The following EFCAB5 variants were observed in gnomAD, a reference collection of about 807,000 sequenced individuals.
The protein encoded by EFCAB5 is EF-hand calcium binding domain 5.
EFCAB5 carries 131 observed loss-of-function variants against 167.9 expected under a neutral mutation model. The ratio of observed to expected loss-of-function variants is 0.78; its 90% CI spans 0.68 to 0.90. EFCAB5 has a LOEUF of 0.90. EFCAB5 is among the 40% of genes least tolerant of loss of function. The pLI is 0.00. For missense variants in EFCAB5, 1,663 were observed against 1,745.2 expected, an observed-to-expected ratio of 0.95 and a Z score of 0.84; for synonymous variants, 574 against 602.8, an observed-to-expected ratio of 0.95 and a Z score of 0.70.
intron 14 of EFCAB5, among the ~76,000 whole-genome samples, chr17:30,075,066 C>T (rs924147345): frequency 1.3e-5 from 2 of 152,158 alleles, no homozygotes; most frequent in African/African-American, 4.8e-5. Context: ...TAATCCAACA[C>T]AACAGGGTTC....
At chr17:29,940,118 G>A (rs971749016), upstream of EFCAB5, among the ~76,000 whole-genome samples, 5 of 148,858 alleles carry the variant, frequency 3.4e-5, no homozygotes, top group African/African-American at 9.9e-5. Flanking sequence ...GCTCATTGCC[G>A]AGGCTGGAGT....
intron 4 of EFCAB5, among the ~76,000 whole-genome samples, chr17:29,971,719 G>T (rs1448932364): frequency 2.0e-5 from 3 of 152,054 alleles, no homozygotes; most frequent in Admixed American, 2.0e-4. Flanking sequence ...AATAAATCCT[G>T]CTTGGTTGCT....
Position 29,943,570 on chromosome 17 carries a change from A to G in EFCAB5, c.111A>G (p.Leu37=). The G allele has an allele frequency of 6.3e-7, 1 of 1,577,438 alleles. No individual in the cohort carries two copies. Among genetic ancestry groups the G allele is most frequent in the Non-Finnish European group, 8.6e-7 (1 of 1,160,858 alleles). ...LTEVKELHET[L]QSVPDVPVKE... is the part of the protein sequence containing the mutation. ...TTTTTTTCCTCTTTTCAAAGACCTT[A>G]CAGAGTGTGCCAGACGTTCCTGTAA... Residue 37 remains leucine, a synonymous_variant, in exon 3 of 23, where the codon TTA becomes TTG. Transcript: ENST00000394835.
At chr17:29,973,310 G>A (rs1419759833) in intron 4 of EFCAB5, among the ~76,000 whole-genome samples, 2 of 152,156 alleles carry the variant, frequency 1.3e-5, no homozygotes, top group Non-Finnish European at 2.9e-5. Context: ...AACCTTTGGG[G>A]TGTCTTCAAA....
intron 16 of EFCAB5, 37 bp from the exon 17 acceptor site, chr17:30,080,716 T>C (rs1183610300): frequency 2.1e-6 from 3 of 1,439,468 alleles, no homozygotes; most frequent in Non-Finnish European, 2.9e-6. Flanking sequence ...AATCTCTCCC[T>C]GTGCCTTTCT....
intron 18 of EFCAB5, among the ~76,000 whole-genome samples, chr17:30,085,265 A>G (rs1567768719): frequency 6.6e-6 from 1 of 152,200 alleles, no homozygotes; most frequent in Non-Finnish European, 1.5e-5. Flanking sequence ...ATAGATGAGT[A>G]AAAACAGATT....
Position 29,951,518 on chromosome 17 carries a change from T to A in EFCAB5, c.190+7869T>A, listed in dbSNP as rs865874723. Among the ~76,000 whole-genome samples the A allele has an allele frequency of 3.1e-4, 46 of 148,846 alleles. 1 individual carries two copies. Among genetic ancestry groups the A allele is most frequent in the Admixed American group, 1.5e-3 (23 of 14,996 alleles). On this transcript the variant is annotated intron_variant, in intron 3 of 22. Coordinates refer to ENST00000394835, the MANE Select transcript of EFCAB5 (RefSeq NM_198529.4). ...ACACCTGGCTAATTTTTTGTATTTTTTTTTTTATTTTTTTTTTTAGTAGAG... is the reference window on the plus strand; with the variant it reads ...ACACCTGGCTAATTTTTTGTATTTTATTTTTTATTTTTTTTTTTAGTAGAG...
At chr17:30,001,669 A>G (rs1157797242) in intron 7 of EFCAB5, among the ~76,000 whole-genome samples, 1 of 152,222 alleles carries the variant, frequency 6.6e-6, no homozygotes. Context: ...AAAAGATAAT[A>G]TAAGTTCATT....
chr17:30,091,596 G>C (rs1029679275), intron 20 of EFCAB5, among the ~76,000 whole-genome samples: 1 of 152,136 alleles, frequency 6.6e-6, no homozygotes, highest in African/African-American at 2.4e-5. Flanking sequence ...ACTAATAAGG[G>C]TGACAGCGTG....
intron 4 of EFCAB5, among the ~76,000 whole-genome samples, chr17:29,987,659 G>A (rs532751151): frequency 6.6e-6 from 1 of 152,270 alleles, no homozygotes; most frequent in East Asian, 1.9e-4. Flanking sequence ...GTGTTTCAGG[G>A]AGAGATTCAT....
At chr17:30,102,624 A>G (rs950542447) in intron 22 of EFCAB5, among the ~76,000 whole-genome samples, 1 of 152,118 alleles carries the variant, frequency 6.6e-6, no homozygotes, top group Non-Finnish European at 1.5e-5. Flanking sequence ...AATTGAATGC[A>G]TGTTAATCAT....
In EFCAB5 at chr17:30,107,815, T is replaced by A; in HGVS notation, c.4322-19T>A. 1 of 1,441,260 alleles carries A rather than the reference T, an allele frequency of 6.9e-7. No individual in the cohort carries two copies. The highest frequency in any genetic ancestry group is 2.7e-5 in the East Asian group (1 of 36,856). The allele number at this position is 1,441,260 out of a possible 1,614,324, so 89.3% of individuals were successfully genotyped here. ...GCAAAACTCTCCACTCTTACTTTTC[T>A]TTTTTTTTCCTGATGCAGATCATTC... On this transcript the variant is annotated intron_variant, in intron 22 of 22. Coordinates refer to ENST00000394835, the MANE Select transcript of EFCAB5 (RefSeq NM_198529.4).
Position 30,018,465 on chromosome 17 carries a change from T to C in EFCAB5, c.1045-15765T>C, listed in dbSNP as rs1357574456. 3.3e-5 allele frequency among the ~76,000 whole-genome samples: 5 copies of C among 152,138 alleles called. No individual in the cohort carries two copies. In the South Asian group the frequency reaches 1.0e-3, roughly 31 times the overall value. ...GTGTGATCTTTTGATTTTTATTGTT[T>C]TTTTTTCATTTCAGGAACATTTTCT... is the stretch of plus-strand genomic sequence containing the variant. On this transcript the variant is annotated intron_variant, in intron 7 of 22. Transcript: ENST00000394835.
Position 29,996,377 on chromosome 17 carries a change from C to A in EFCAB5, c.973+17C>A. 6.5e-7 allele frequency: 1 copy of A among 1,534,070 alleles called. No individual in the cohort carries two copies. Among genetic ancestry groups the A allele is most frequent in the South Asian group, 1.2e-5 (1 of 81,282 alleles). Reference sequence around the variant, plus strand: ...TCAAGCTTGGTAAGTCTGCCTATTACTCTGATATTTTTATTTTTATTTCTT... The same window carrying A: ...TCAAGCTTGGTAAGTCTGCCTATTAATCTGATATTTTTATTTTTATTTCTT... On this transcript the variant is annotated intron_variant, in intron 6 of 22. Coordinates refer to ENST00000394835, the MANE Select transcript of EFCAB5 (RefSeq NM_198529.4).
At chr17:30,076,594 G>A (rs1004723964) in intron 14 of EFCAB5, among the ~76,000 whole-genome samples, 2 of 152,226 alleles carry the variant, frequency 1.3e-5, no homozygotes, top group Admixed American at 1.3e-4. Flanking sequence ...TAGAATAGAT[G>A]CTATCGTCTT....
At chr17:29,977,263 A>G (rs1430819178) in intron 4 of EFCAB5, among the ~76,000 whole-genome samples, 2 of 152,170 alleles carry the variant, frequency 1.3e-5, no homozygotes, top group Admixed American at 6.5e-5. Flanking sequence ...CCTAATTATG[A>G]TGGTGGTTAC....
In EFCAB5 at chr17:30,053,275, G is replaced by T; in HGVS notation, c.1321G>T (p.Glu441Ter). The T allele has an allele frequency of 6.2e-7, 1 of 1,604,262 alleles. No individual in the cohort carries two copies. Among genetic ancestry groups the T allele is most frequent in the Non-Finnish European group, 8.5e-7 (1 of 1,174,762 alleles). Reference sequence around the variant, plus strand: ...ATTAGGGCCATTCATTGAATTTGAAGAGATAAACTTGACTGAGTTGTGGGG... The same window carrying T: ...ATTAGGGCCATTCATTGAATTTGAATAGATAAACTTGACTGAGTTGTGGGG... ...PRQWPFIEFE[E>*]INLTELWGDM... is the part of the protein sequence containing the mutation. The change falls in exon 10 of 23, where the codon GAG (glutamate) becomes TAG (stop). Residue 441 changes from glutamate (E) to a stop codon, truncating the protein, a stop_gained. Transcript: ENST00000394835. LOFTEE classifies it high-confidence loss of function.
Position 29,942,242 on chromosome 17 carries a change from A to G in EFCAB5, c.45A>G (p.Glu15=). 1 of 1,585,042 alleles carries G rather than the reference A, an allele frequency of 6.3e-7. No individual in the cohort carries two copies. The highest frequency in any genetic ancestry group is 8.6e-7 in the Non-Finnish European group (1 of 1,165,342). The change falls in exon 2 of 23, where the codon GAA becomes GAG. Residue 15 remains glutamate (E), a splice_region_variant and synonymous_variant. Transcript: ENST00000394835. ...ASQEELRPAQ[E]NRKEDKERKW... ...TACTAACACTGTTTGCATTTCAGGA[A>G]AACAGAAAAGAAGACAAAGAGAGGA...
At chr17:30,065,346 T>C (rs752175337) in intron 14 of EFCAB5, among the ~76,000 whole-genome samples, 7 of 152,188 alleles carry the variant, frequency 4.6e-5, no homozygotes, top group Non-Finnish European at 8.8e-5. Context: ...TTAAAAGATA[T>C]AGATTAGCTC....
Sources: allele counts gnomAD v4.1 joint callset (sites outside exome capture counted in the v4.1 genomes callset), GRCh38; gene constraint gnomAD v4.1.1; transcripts MANE v1.5; gene names NCBI Gene and HGNC (gene_info 2026-07-23, HGNC 2026-07-21).